The following VRK2 variants were observed in gnomAD, a reference collection of about 807,000 sequenced individuals.
The protein encoded by VRK2 is serine/threonine-protein kinase VRK2.
Under a neutral mutation model 57.6 loss-of-function variants are expected in VRK2, and 60 were observed. The observed-to-expected ratio is 1.04, with a 90% CI of 0.85 to 1.29. The LOEUF is 1.29. Among genes scored for constraint, VRK2 ranks in the 50% most tolerant of loss-of-function variants. The probability of loss-of-function intolerance (pLI) is 0.00; values close to 1 mark genes in which losing one functional copy is unlikely to be tolerated. For synonymous variants in VRK2, 231 were observed against 199.2 expected (o/e 1.16, Z -1.35); for missense variants, 705 against 588.1 (o/e 1.20, Z -2.06).
intron 1 of VRK2, among the ~76,000 whole-genome samples, chr2:57,925,240 TC>T (rs776054266): frequency 1.1e-4 from 16 of 152,116 alleles, no homozygotes; most frequent in Non-Finnish European, 2.2e-4. Flanking sequence ...TTGAAAGTAT[TC>T]CCTCCTGCTC....
Position 58,124,204 on chromosome 2 carries a change from T to C in VRK2, c.676+971T>C, listed in dbSNP as rs370682710. The stretch of plus-strand genomic sequence containing the variant: ...TACCATTAATTAAACCTTAGCTGTT[T>C]ATTACACTGCAGTCCAAATCCAATA... On this transcript the variant is annotated intron_variant, in intron 8 of 12. Coordinates refer to ENST00000340157, the MANE Select transcript of VRK2 (RefSeq NM_006296.7). Among the ~76,000 whole-genome samples the C allele has an allele frequency of 1.1e-4, 17 of 152,308 alleles. 1 individual carries two copies. The highest frequency in any genetic ancestry group is 4.1e-4 in the African/African-American group (17 of 41,560).
intron 7 of VRK2, among the ~76,000 whole-genome samples, chr2:58,113,256 C>T (rs933470742): frequency 6.7e-6 from 1 of 150,260 alleles, no homozygotes; most frequent in East Asian, 2.0e-4. Flanking sequence ...TTGCAGTGAG[C>T]TGAGACTGTG....
At chr2:57,968,835 A>G (rs1558517988) in intron 1 of VRK2, among the ~76,000 whole-genome samples, 1 of 152,126 alleles carries the variant, frequency 6.6e-6, no homozygotes, top group Non-Finnish European at 1.5e-5. Context: ...ATGGAATGTT[A>G]AAAAATATTC....
At chr2:58,120,179 C>G (rs372218517) in intron 7 of VRK2, among the ~76,000 whole-genome samples, 2 of 93,368 alleles carry the variant, frequency 2.1e-5, no homozygotes, top group Non-Finnish European at 4.3e-5. Flanking sequence ...ATTTTTTTTT[C>G]TTTTCTTTTT....
At chr2:58,129,097 A>G (rs1678792447) in intron 8 of VRK2, among the ~76,000 whole-genome samples, 1 of 152,202 alleles carries the variant, frequency 6.6e-6, no homozygotes, top group Admixed American at 6.5e-5. Context: ...GTTAGATGCT[A>G]TTAATAATAT....
intron 1 of VRK2, among the ~76,000 whole-genome samples, chr2:58,007,298 T>A (rs1673278194): frequency 6.6e-6 from 1 of 151,924 alleles, no homozygotes; most frequent in South Asian, 2.1e-4. Context: ...TATGTATATG[T>A]AATTGATTCT....
chr2:58,145,573 G>T (rs1042579555), intron 11 of VRK2, among the ~76,000 whole-genome samples: 46 of 152,120 alleles, frequency 3.0e-4, no homozygotes, highest in Admixed American at 9.8e-4. Context: ...CAGTAAGCAA[G>T]TTATCTGTAG....
intron 1 of VRK2, among the ~76,000 whole-genome samples, chr2:57,942,282 C>T (rs951447704): frequency 3.3e-5 from 5 of 152,106 alleles, no homozygotes; most frequent in African/African-American, 1.2e-4. Context: ...GTGAAATATT[C>T]GTGCCAAATT....
At chr2:57,944,688 A>G (rs1671204398) in intron 1 of VRK2, among the ~76,000 whole-genome samples, 1 of 152,012 alleles carries the variant, frequency 6.6e-6, no homozygotes, top group Non-Finnish European at 1.5e-5. Context: ...GTGAGCCGAG[A>G]TCGTGCCACT....
At chr2:58,084,973 G>A in intron 4 of VRK2, 23 bp downstream of exon 4, 1 of 1,558,252 alleles carries the variant, frequency 6.4e-7, no homozygotes. Context: ...AGCAAAGCAA[G>A]CTACTTCCAT....
At chr2:58,116,347 C>T (rs918747970) in intron 7 of VRK2, among the ~76,000 whole-genome samples, 13 of 149,146 alleles carry the variant, frequency 8.7e-5, no homozygotes, top group Middle Eastern at 3.2e-3. Flanking sequence ...GGCTATAGTC[C>T]GGGAATAGTC....
At chr2:57,949,924 T>C (rs947226254) in intron 1 of VRK2, among the ~76,000 whole-genome samples, 2 of 152,134 alleles carry the variant, frequency 1.3e-5, no homozygotes, top group African/African-American at 4.8e-5. Flanking sequence ...GTGGTCTGGA[T>C]AGAAAATCAA....
At chr2:58,039,507 T>G (rs888630199) in intron 3 of VRK2, among the ~76,000 whole-genome samples, 2 of 152,162 alleles carry the variant, frequency 1.3e-5, no homozygotes, top group African/African-American at 4.8e-5. Flanking sequence ...GCATTTCTTT[T>G]TATTTCAATA....
At position 58,135,108 on chromosome 2, in the gene VRK2, A is replaced by G. The variant is rs765728586; in HGVS notation, c.798-33A>G. The G allele has an allele frequency of 8.7e-6, 14 of 1,611,072 alleles. No homozygotes were observed. The East Asian group carries it at 3.1e-4, about 36-fold the overall frequency. Reference sequence around the variant, plus strand: ...TCAAAATAATCACAGGGTTGAAAACATGTTCATTGTGCATTACCTTATTTT... The same window carrying G: ...TCAAAATAATCACAGGGTTGAAAACGTGTTCATTGTGCATTACCTTATTTT... On this transcript the variant is annotated intron_variant, in intron 9 of 12. Transcript: ENST00000340157.
At chr2:58,143,229 G>T (rs1388218101) in intron 11 of VRK2, among the ~76,000 whole-genome samples, 1 of 151,746 alleles carries the variant, frequency 6.6e-6, no homozygotes, top group Non-Finnish European at 1.5e-5. Flanking sequence ...GGAGTCCAAA[G>T]GTATTCTTGA....
At chr2:57,942,013 T>G (rs1296725826) in intron 1 of VRK2, among the ~76,000 whole-genome samples, 1 of 152,204 alleles carries the variant, frequency 6.6e-6, no homozygotes, top group Non-Finnish European at 1.5e-5. Context: ...CCCAAGACAA[T>G]GCATAATGCA....
intron 1 of VRK2, among the ~76,000 whole-genome samples, chr2:57,965,923 A>C (rs1671902749): frequency 6.6e-6 from 1 of 152,176 alleles, no homozygotes; most frequent in Admixed American, 6.5e-5. Flanking sequence ...ATTGTTATAC[A>C]ATCCTTTACA....
intron 1 of VRK2, among the ~76,000 whole-genome samples, chr2:57,916,854 TTCTTC>T (rs1355218875): frequency 6.6e-6 from 1 of 152,222 alleles, no homozygotes; most frequent in African/African-American, 2.4e-5. Context: ...GTCACTTAAG[TTCTTC>T]TACCTTCTGT....
At chr2:58,023,731 G>A (rs1040394160) in intron 1 of VRK2, among the ~76,000 whole-genome samples, 1 of 152,016 alleles carries the variant, frequency 6.6e-6, no homozygotes, top group Non-Finnish European at 1.5e-5. Flanking sequence ...ATACACATTA[G>A]AAATCAAAGA....
Sources: gnomAD v4.1 joint callset for allele counts (sites outside exome capture counted in the v4.1 genomes callset) on GRCh38, gnomAD v4.1.1 for gene constraint, MANE v1.5 for transcripts, NCBI Gene and HGNC (gene_info 2026-07-23, HGNC 2026-07-21) for gene names.